TRIP6: variants seen among roughly 807,000 people sequenced by gnomAD.
TRIP6 encodes the protein thyroid receptor-interacting protein 6.
TRIP6 carries 33 observed loss-of-function variants against 51.9 expected under a neutral mutation model. The ratio of observed to expected loss-of-function variants is 0.64; its 90% CI spans 0.48 to 0.85. TRIP6 has a LOEUF of 0.85. Ranked by LOEUF, TRIP6 falls within the 40% of genes least tolerant of loss-of-function variation. TRIP6 has a pLI of 0.00. For synonymous variants in TRIP6, 255 were observed against 275.8 expected, an observed-to-expected ratio of 0.92 and a Z score of 0.75; for missense variants, 661 against 652.1, an observed-to-expected ratio of 1.01 and a Z score of -0.15.
chr7:100,868,015 C>T, intron 2 of TRIP6, 27 bp downstream of exon 2: 3 of 1,519,656 alleles, frequency 2.0e-6, no homozygotes, highest in Non-Finnish European at 2.6e-6. Context: ...TGGGGTGGGA[C>T]ATGTGGGATC....
At chr7:100,872,773 C>G (rs765815034) in intron 8 of TRIP6, 29 bp downstream of exon 8, 1 of 1,612,076 alleles carries the variant, frequency 6.2e-7, no homozygotes, top group South Asian at 1.1e-5. Flanking sequence ...GTGCAAGGGG[C>G]TGGCAGTGTC....
intron 8 of TRIP6, 63 bp downstream of exon 8, chr7:100,872,807 G>A: frequency 1.9e-6 from 3 of 1,597,642 alleles, no homozygotes; most frequent in East Asian, 2.2e-5. Flanking sequence ...AGAGCATGAG[G>A]GGGAACACAG....
At position 100,867,722 on chromosome 7, in the gene TRIP6, G is replaced by C; in HGVS notation, c.109+116G>C. 2.6e-6 allele frequency: 4 copies of C among 1,523,572 alleles called. No homozygotes were observed. The highest frequency in any genetic ancestry group is 1.2e-5 in the South Asian group (1 of 80,048). 94.4% of individuals were successfully genotyped at this position (1,523,572 alleles called of 1,614,324 possible). A position where few individuals can be genotyped will look rare whatever the true frequency, so the allele number is the denominator to read the frequency against. The stretch of plus-strand genomic sequence containing the variant: ...CCTGCCCCTTCCCCAAGCCGAGGCG[G>C]GGGGAACAGCCGCCTGCGCTCTCTT... On this transcript the variant is annotated intron_variant, in intron 1 of 8. Coordinates refer to ENST00000200457, the MANE Select transcript of TRIP6 (RefSeq NM_003302.3). The surrounding 1 kb of genome is among the most constrained non-coding windows in gnomAD (Gnocchi z 5.4).
Position 100,870,374 on chromosome 7 carries a change from C to A in TRIP6, c.740C>A (p.Pro247His), listed in dbSNP as rs137960531. ...GRGGEHGPQV[P>H]LSQPPEDELD... ...AGCCCGATTCCCACCTTCCAGGTGC[C>A]CCTGAGCCAGCCTCCAGAGGATGAG... The change falls in exon 5 of 9, where the codon CCC (proline) becomes CAC (histidine). Residue 247 changes from proline to histidine, a missense_variant. Pro to His is a moderately conservative substitution (Grantham distance 77, BLOSUM62 -2). Transcript: ENST00000200457. 86 of 1,611,852 alleles carry A rather than the reference C, an allele frequency of 5.3e-5. No individual in the cohort carries two copies. The highest frequency in any genetic ancestry group is 6.9e-5 in the Non-Finnish European group (82 of 1,179,898).
chr7:100,872,335 C>A (rs928049094), intron 7 of TRIP6, among the ~76,000 whole-genome samples: 2 of 151,988 alleles, frequency 1.3e-5, no homozygotes, highest in Non-Finnish European at 2.9e-5. Flanking sequence ...ACCCAGTCTT[C>A]TTCTTTGTAT....
At chr7:100,869,250 G>A (rs1439437114) in intron 4 of TRIP6, among the ~76,000 whole-genome samples, 2 of 151,448 alleles carry the variant, frequency 1.3e-5, no homozygotes, top group Admixed American at 6.6e-5. Flanking sequence ...GAGCCACCGC[G>A]CCTGGCCAAG....
rs201628297 is a variant in TRIP6 at position 100,868,124 on chromosome 7, G to A, written c.254G>A (p.Arg85Lys). The A allele has an allele frequency of 6.2e-6, 10 of 1,610,492 alleles. No homozygotes were observed. The East Asian group carries it at 2.2e-4, about 36-fold the overall frequency. ...LQHTQGLPADRGGLRPGSLDA... is the reference protein window; with the variant it reads ...LQHTQGLPADKGGLRPGSLDA... Reference sequence around the variant, plus strand: ...CATCCTCAGGGGCTCCCTGCAGACAGGGGGGGCCTTCGCCCTGGAAGCCTG... The same window carrying A: ...CATCCTCAGGGGCTCCCTGCAGACAAGGGGGGCCTTCGCCCTGGAAGCCTG... The change falls in exon 3 of 9, where the codon AGG becomes AAG. Residue 85 changes from arginine (R) to lysine (K), a missense_variant. By Grantham distance (26) the Arg-to-Lys change is conservative (BLOSUM62 2). Transcript: ENST00000200457.
Position 100,868,651 on chromosome 7 carries a change from G to A in TRIP6, c.520G>A (p.Val174Met). 1 of 1,611,146 alleles carries A rather than the reference G, an allele frequency of 6.2e-7. No homozygotes were observed. Among genetic ancestry groups the A allele is most frequent in the East Asian group, 2.2e-5 (1 of 44,828 alleles). ...CCCAGCCTTCCCCGTGCAAGTGAAG[G>A]TGGCACAGCCAGTGAGGGGCTGCGG... ...AGPAFPVQVK[V>M]AQPVRGCGPP... Residue 174 changes from valine to methionine, a missense_variant, in exon 4 of 9, where the codon GTG (valine) becomes ATG (methionine). Coordinates refer to ENST00000200457, the MANE Select transcript of TRIP6 (RefSeq NM_003302.3).
At chr7:100,869,645 A>AAG (rs1293394306) in intron 4 of TRIP6, among the ~76,000 whole-genome samples, 1 of 150,160 alleles carries the variant, frequency 6.7e-6, no homozygotes, top group Non-Finnish European at 1.5e-5. Flanking sequence ...AAAAAAAAAA[A>AAG]AAAAAAAAAA....
At position 100,867,456 on chromosome 7, in the gene TRIP6, CG is replaced by C; in HGVS notation, c.-38del. Reference sequence around the variant, plus strand: ...GAAGAGGGGGTGAAGGCCAGAGGCTCGGGGCTTCAAGACCGCTGTCTGGAGT... The same window carrying C: ...GAAGAGGGGGTGAAGGCCAGAGGCTCGGGCTTCAAGACCGCTGTCTGGAGT... On this transcript the variant is annotated 5_prime_UTR_variant, in exon 1 of 9. Coordinates refer to ENST00000200457, the MANE Select transcript of TRIP6 (RefSeq NM_003302.3). The surrounding 1 kb of genome is among the most constrained non-coding windows in gnomAD (Gnocchi z 5.4). 1.5e-6 allele frequency: 2 copies of C among 1,362,696 alleles called. No homozygotes were observed. Among genetic ancestry groups the C allele is most frequent in the Non-Finnish European group, 9.7e-7 (1 of 1,035,540 alleles). The allele number at this position is 1,362,696 out of a possible 1,614,324, so 84.4% of individuals were successfully genotyped here.
intron 4 of TRIP6, among the ~76,000 whole-genome samples, chr7:100,869,802 TGGGGAGGGGGA>T (rs995686441): frequency 1.8e-4 from 1 of 5,586 alleles, no homozygotes; most frequent in Admixed American, 2.3e-3. Flanking sequence ...TTCCATGGAC[TGGGGAGGGGGA>T]TGGGAGGGGG....
Position 100,873,293 on chromosome 7 carries a change from C to T in TRIP6, c.1421C>T (p.Thr474Ile). 6.2e-7 allele frequency: 1 copy of T among 1,608,956 alleles called. No individual in the cohort carries two copies. The highest frequency in any genetic ancestry group is 1.7e-5 in the Admixed American group (1 of 59,920). The change falls in exon 9 of 9, where the codon ACT becomes ATT. Residue 474 changes from threonine (T) to isoleucine (I), a missense_variant. Coordinates refer to ENST00000200457, the MANE Select transcript of TRIP6 (RefSeq NM_003302.3). ...CAGGAGCTCTCAGCCACCGTCACCA[C>T]TGACTGCTGAGTCTTCCTAGAAGTA... ...RIQELSATVTTDC is the reference protein window; with the variant it reads ...RIQELSATVTIDC
Position 100,870,590 on chromosome 7 carries a change from CGGA to C in TRIP6, c.848_850del (p.Gly283del), listed in dbSNP as rs1475370477. 1 of 1,613,726 alleles carries C rather than the reference CGGA, an allele frequency of 6.2e-7. No homozygotes were observed. Among genetic ancestry groups the C allele is most frequent in the African/African-American group, 1.3e-5 (1 of 74,912 alleles). ...TGTCCTCAGGCCAGTGTGGTGGCTG[CGGA>C]GAAGATGTGGTTGGGGATGGGGCTG... On this transcript the variant is annotated inframe_deletion, in exon 6 of 9. Coordinates refer to ENST00000200457, the MANE Select transcript of TRIP6 (RefSeq NM_003302.3).
Position 100,867,581 on chromosome 7 carries a change from G to T in TRIP6, c.84G>T (p.Pro28=), listed in dbSNP as rs777655632. The T allele has an allele frequency of 7.9e-5, 122 of 1,539,314 alleles. No individual in the cohort carries two copies. The highest frequency in any genetic ancestry group is 1.2e-4 in the Admixed American group (6 of 50,866). Residue 28 remains proline, a synonymous_variant, in exon 1 of 9, where the codon CCG becomes CCT. Transcript: ENST00000200457. This position sits in a 1 kb window ranked among gnomAD's most constrained non-coding sequence, Gnocchi z 5.4. ...GGAGGGCGATCCCCCGCGGCACCCC[G>T]GGGCCACCACCGGCCCACGGAGCAG... ...PQGRAIPRGT[P]GPPPAHGAAL...
At chr7:100,869,260 G>T (rs1470946756) in intron 4 of TRIP6, among the ~76,000 whole-genome samples, 1 of 151,404 alleles carries the variant, frequency 6.6e-6, no homozygotes, top group African/African-American at 2.4e-5. Flanking sequence ...GCCTGGCCAA[G>T]GGGCTGGTTT....
At position 100,868,224 on chromosome 7, in the gene TRIP6, A is replaced by G. The variant is rs769279607; in HGVS notation, c.354A>G (p.Pro118=). The change falls in exon 3 of 9, where the codon CCA becomes CCG. Residue 118 remains proline, a synonymous_variant. Coordinates refer to ENST00000200457, the MANE Select transcript of TRIP6 (RefSeq NM_003302.3). ...NGGRGHASRR[P]DRQAYEPPPP... ...GTCGGGGTCATGCGTCACGGCGACC[A>G]GACCGACAGGTGACTCTGCCCCTCC... The G allele has an allele frequency of 1.9e-6, 3 of 1,608,136 alleles. No homozygotes were observed. The highest frequency in any genetic ancestry group is 2.5e-6 in the Non-Finnish European group (3 of 1,177,150).
chr7:100,871,037 G>GT (rs1307396842), intron 6 of TRIP6: 9 of 580,968 alleles, frequency 1.5e-5, no homozygotes, highest in Non-Finnish European at 2.9e-5. Context: ...TCCTGGTTTT[G>GT]TTTTTTGTTT....
intron 8 of TRIP6, chr7:100,872,945 G>GGTTC: frequency 1.8e-6 from 2 of 1,088,722 alleles, no homozygotes; most frequent in East Asian, 5.6e-5. Context: ...CCACCTCCCG[G>GGTTC]GTTCAAGTGA....
Position 100,873,175 on chromosome 7 carries a change from T to C in TRIP6, c.1303T>C (p.Cys435Arg), listed in dbSNP as rs769529114. The C allele has an allele frequency of 2.5e-6, 4 of 1,611,564 alleles. No individual in the cohort carries two copies. In the East Asian group the frequency reaches 8.9e-5, roughly 36 times the overall value. ...FHIGCYKCEE[C>R]GLLLSSEGEC... ...ATTGTTGCTTCTTTTTCAACAGGAG[T>C]GTGGGCTGCTGCTCTCCTCTGAGGG... The change falls in exon 9 of 9, where the codon TGT becomes CGT. Residue 435 changes from cysteine to arginine, a missense_variant. Physicochemically the swap from Cys to Arg is radical, Grantham distance 180. Transcript: ENST00000200457.
Sources: allele counts gnomAD v4.1 joint callset (sites outside exome capture counted in the v4.1 genomes callset), GRCh38; gene constraint gnomAD v4.1.1; non-coding constraint Gnocchi (gnomAD v3.1); transcripts MANE v1.5; gene names NCBI Gene and HGNC (gene_info 2026-07-23, HGNC 2026-07-21).